Variants in UNC79 observed in about 807,000 individuals in gnomAD.
The protein encoded by UNC79 is protein unc-79 homolog.
In UNC79, 37 loss-of-function variants were observed where a neutral mutation model predicts 283.1. The ratio of observed to expected loss-of-function variants is 0.13; its 90% CI spans 0.10 to 0.17. UNC79 has a LOEUF of 0.17. Ranked by LOEUF, UNC79 falls within the 10% of genes least tolerant of loss-of-function variation. UNC79 has a pLI of 1.00. For missense variants in UNC79, 2,272 were observed against 3,211.1 expected (o/e 0.71, Z 7.07); for synonymous variants, 1,107 against 1,200.2 (o/e 0.92, Z 1.61).
intron 1 of UNC79, among the ~76,000 whole-genome samples, chr14:93,464,299 G>T (rs1360666292): frequency 1.3e-5 from 2 of 152,224 alleles, no homozygotes; most frequent in African/African-American, 4.8e-5. Flanking sequence ...AGATTGAGGT[G>T]TTGGCAGGTT....
chr14:93,404,063 G>C (rs2055166062), intron 1 of UNC79, among the ~76,000 whole-genome samples: 1 of 152,068 alleles, frequency 6.6e-6, no homozygotes, highest in Non-Finnish European at 1.5e-5. Context: ...CAGGAGAAGG[G>C]ATGGTGTGCA....
At chr14:93,397,095 A>C (rs2055014018) in intron 1 of UNC79, 1 of 149,872 alleles carries the variant, frequency 6.7e-6, no homozygotes, top group African/African-American at 2.5e-5. Flanking sequence ...TTTCCACCTC[A>C]TCAGGCAGTT....
chr14:93,646,870 A>G (rs749567824), intron 35 of UNC79, among the ~76,000 whole-genome samples: 1 of 152,138 alleles, frequency 6.6e-6, no homozygotes, highest in Non-Finnish European at 1.5e-5. Flanking sequence ...TAAAAAAAAT[A>G]CCAGCTTGTG....
At chr14:93,437,753 A>G (rs1478939700) in intron 1 of UNC79, among the ~76,000 whole-genome samples, 2 of 152,136 alleles carry the variant, frequency 1.3e-5, no homozygotes, top group East Asian at 3.9e-4. Flanking sequence ...CCTTGGTTGT[A>G]GCAGCATCAC....
chr14:93,377,345 C>T lies in UNC79; in HGVS notation c.-351+43822C>T, dbSNP rs145653310. Among the ~76,000 whole-genome samples the T allele has an allele frequency of 2.7e-3, 410 of 152,168 alleles. 1 individual carries two copies. The highest frequency in any genetic ancestry group is 9.3e-3 in the African/African-American group (386 of 41,494). ...TCCTAACCTCGTGATCCACCCGCCT[C>T]GGCCTCCCAAAGTGCTGGGATTACA... On this transcript the variant is annotated intron_variant, in intron 1 of 49. Coordinates refer to the UNC79 transcript ENST00000256339.
In UNC79 at chr14:93,690,007, G is replaced by A. The variant is rs1419382352; in HGVS notation, c.7086-110G>A. On this transcript the variant is annotated intron_variant, in intron 44 of 48. Coordinates refer to ENST00000555664, the Ensembl canonical transcript of UNC79. This position sits in a 1 kb window ranked among gnomAD's most constrained non-coding sequence, Gnocchi z 4.3. ...ATTGCCTTGGCGTTTTGTTTTATGT[G>A]ATTGCCTGCAAGACCACACTTTCAA... 3.2e-6 allele frequency: 4 copies of A among 1,233,640 alleles called. No individual in the cohort carries two copies. The Admixed American group carries it at 8.6e-5, about 27-fold the overall frequency. The allele number at this position is 1,233,640 out of a possible 1,614,324, so 76.4% of individuals were successfully genotyped here.
chr14:93,632,945 A>G (rs572031266), intron 31 of UNC79, among the ~76,000 whole-genome samples: 1 of 152,204 alleles, frequency 6.6e-6, no homozygotes, highest in African/African-American at 2.4e-5. Flanking sequence ...TCTTGGAGGT[A>G]TCATGCCTGG....
At chr14:93,687,683 G>A (rs893364661) in intron 43 of UNC79, among the ~76,000 whole-genome samples, 2 of 152,128 alleles carry the variant, frequency 1.3e-5, no homozygotes, top group African/African-American at 4.8e-5. Flanking sequence ...AATATCTCAC[G>A]ATATGTAAAC....
intron 23 of UNC79, among the ~76,000 whole-genome samples, chr14:93,596,012 A>G (rs1165254752): frequency 6.6e-6 from 1 of 152,220 alleles, no homozygotes; most frequent in Admixed American, 6.5e-5. Context: ...TGGGAGCAAT[A>G]GAAAGAAGTG....
intron 1 of UNC79, among the ~76,000 whole-genome samples, chr14:93,424,504 T>C (rs940216821): frequency 2.0e-5 from 3 of 152,172 alleles, no homozygotes; most frequent in Admixed American, 6.5e-5. Context: ...GTGGTACATA[T>C]ACACAAGAGA....
chr14:93,630,666 A>G, intron 30 of UNC79, 135 bp from the exon 33 acceptor site: 1 of 654,870 alleles, frequency 1.5e-6, no homozygotes, highest in East Asian at 2.7e-5. Flanking sequence ...TAATTCCATG[A>G]AAGTAATTAT....
chr14:93,706,937 G>C (rs781672456), downstream of UNC79: 1 of 1,610,894 alleles, frequency 6.2e-7, no homozygotes, highest in South Asian at 1.1e-5. Flanking sequence ...TCAACACTCT[G>C]GTTTAGCAAT....
At chr14:93,568,704 AAAAC>A (rs140038586) in intron 14 of UNC79, among the ~76,000 whole-genome samples, 39,809 of 151,650 alleles carry the variant, frequency 0.26, 5,854 homozygotes, top group East Asian at 0.74. Flanking sequence ...ACAAAAAACA[AAAAC>A]AAACAAACAA....
chr14:93,620,718 A>G (rs1031415468), intron 29 of UNC79, among the ~76,000 whole-genome samples, 174 bp from the exon 31 acceptor site: 2 of 152,218 alleles, frequency 1.3e-5, no homozygotes, highest in Admixed American at 6.5e-5. Context: ...TGCTCTGTCC[A>G]ATAGATGGAG....
intron 1 of UNC79, among the ~76,000 whole-genome samples, chr14:93,368,825 A>G (rs1423102295): frequency 6.6e-6 from 1 of 152,224 alleles, no homozygotes. Context: ...AAACTACAAA[A>G]TAGTATACCT....
exon 19 of UNC79, chr14:93,580,274 A>C: frequency 6.2e-7 from 1 of 1,614,228 alleles, no homozygotes; most frequent in South Asian, 1.1e-5. Flanking sequence ...AGAAGGACGA[A>C]AAAGCAATCG....
intron 41 of UNC79, among the ~76,000 whole-genome samples, chr14:93,678,201 T>C (rs1263164190): frequency 2.6e-5 from 4 of 152,190 alleles, no homozygotes; most frequent in Non-Finnish European, 5.9e-5. Flanking sequence ...ACTTTCTTTA[T>C]GTATATCAGT....
intron 32 of UNC79, among the ~76,000 whole-genome samples, chr14:93,638,778 A>G (rs1164113680): frequency 2.6e-5 from 4 of 152,208 alleles, no homozygotes; most frequent in African/African-American, 9.7e-5. Context: ...TTAACATTGC[A>G]GACTTATTGT....
intron 1 of UNC79, among the ~76,000 whole-genome samples, chr14:93,405,373 TATATC>T (rs2055206274): frequency 6.6e-6 from 1 of 152,004 alleles, no homozygotes; most frequent in South Asian, 2.1e-4. Context: ...TTGTGAATGT[TATATC>T]AATAACTAAA....
Sources: allele counts gnomAD v4.1 joint callset (sites outside exome capture counted in the v4.1 genomes callset), GRCh38; gene constraint gnomAD v4.1.1; non-coding constraint Gnocchi (gnomAD v3.1); transcripts MANE v1.5; gene names NCBI Gene and HGNC (gene_info 2026-07-23, HGNC 2026-07-21).